The following TLN1 variants were observed in gnomAD, a reference collection of about 807,000 sequenced individuals.
TLN1 encodes the protein talin 1, also known as talin-1.
A neutral mutation model predicts 292.3 loss-of-function variants in TLN1; 56 were observed. That is an observed-to-expected ratio of 0.19 (90% confidence interval 0.15 to 0.24). TLN1 has a LOEUF of 0.24. Among genes scored for constraint, TLN1 ranks in the 10% least tolerant of loss-of-function variants. The pLI is 1.00. For synonymous variants in TLN1, 1,119 were observed against 1,253.7 expected (o/e 0.89, Z 2.27); for missense variants, 2,433 against 3,248.2 (o/e 0.75, Z 6.10).
Position 35,722,925 on chromosome 9 carries a change from C to T in TLN1, c.783-4G>A, listed in dbSNP as rs958937149. 1 of 1,613,698 alleles carries T rather than the reference C, an allele frequency of 6.2e-7. No homozygotes were observed. Among genetic ancestry groups the T allele is most frequent in the African/African-American group, 1.3e-5 (1 of 74,904 alleles). The stretch of plus-strand genomic sequence containing the variant: ...CTTGGGCAGGAAGTCCTTCAGGCTA[C>T]ACCAGAAAAGGGAGGGTCAGCATGT... On this transcript the variant is annotated splice_region_variant and splice_polypyrimidine_tract_variant and intron_variant, in intron 7 of 56. Transcript: ENST00000314888.
rs1825558457 is a variant in TLN1, at chr9:35,705,971, G to A, written c.5502C>T (p.Ala1834=). 14 of 1,614,068 alleles carry A rather than the reference G, an allele frequency of 8.7e-6. No individual in the cohort carries two copies. Among genetic ancestry groups the A allele is most frequent in the Admixed American group, 1.7e-5 (1 of 60,014 alleles). The change falls in exon 41 of 57, where the codon GCC becomes GCT. Residue 1834 remains alanine (A), a synonymous_variant. Coordinates refer to ENST00000314888, the MANE Select transcript of TLN1 (RefSeq NM_006289.4). Reference sequence around the variant, plus strand: ...ACCCCAAGACTCTAACCTGGTTGATGGCCTGGGTGATGGAGTCCACCATGC... The same window carrying A: ...ACCCCAAGACTCTAACCTGGTTGATAGCCTGGGTGATGGAGTCCACCATGC... ...VGGMVDSITQ[A]INQLDEGPMG...
intron 33 of TLN1, among the ~76,000 whole-genome samples, chr9:35,709,886 CAAAAAAAAA>C (rs546437173): frequency 4.7e-4 from 6 of 12,848 alleles, no homozygotes; most frequent in Non-Finnish European, 9.1e-4. Flanking sequence ...AACTCGGTCT[CAAAAAAAAA>C]AAAAAAAAAA....
intron 1 of TLN1, among the ~76,000 whole-genome samples, chr9:35,730,551 T>C (rs1416249093): frequency 6.6e-6 from 1 of 152,020 alleles, no homozygotes; most frequent in Admixed American, 6.5e-5. Context: ...TGTAGGTACA[T>C]GACTGGGTGA....
Position 35,698,742 on chromosome 9 carries a change from A to G in TLN1, c.7126-63T>C, listed in dbSNP as rs1020474229. On this transcript the variant is annotated intron_variant, in intron 53 of 56. Transcript: ENST00000314888. This position sits in a 1 kb window ranked among gnomAD's most constrained non-coding sequence, Gnocchi z 5.3. Reference sequence around the variant, plus strand: ...TCCTCACTTCAAAGACTCGCTGGCTATGGATGTGGATGTGGACATCAAAGT... The same window carrying G: ...TCCTCACTTCAAAGACTCGCTGGCTGTGGATGTGGATGTGGACATCAAAGT... 3 of 1,613,854 alleles carry G rather than the reference A, an allele frequency of 1.9e-6. No homozygotes were observed. The Admixed American group carries it at 5.0e-5, about 27-fold the overall frequency.
Position 35,711,068 on chromosome 9 carries a change from C to T in TLN1, c.4034G>A (p.Ser1345Asn), listed in dbSNP as rs1258790517. The T allele has an allele frequency of 4.3e-6, 7 of 1,614,230 alleles. No individual in the cohort carries two copies. Among genetic ancestry groups the T allele is most frequent in the South Asian group, 1.1e-5 (1 of 91,078 alleles). Residue 1345 changes from serine to asparagine, a missense_variant, in exon 31 of 57, where the codon AGC (serine) becomes AAC (asparagine). Ser to Asn is a conservative substitution (Grantham distance 46). Coordinates refer to ENST00000314888, the MANE Select transcript of TLN1 (RefSeq NM_006289.4). ...LAAAARAVTD[S>N]INQLITMCTQ... ...GCACATAGTGATGAGCTGATTGATG[C>T]TGTCAGTTACTGCCCTGGGAGTGAC... is the stretch of plus-strand genomic sequence containing the variant.
chr9:35,696,983 T>G lies in TLN1; in HGVS notation c.*808A>C, dbSNP rs1825378852. The G allele has an allele frequency of 6.6e-6, 1 of 152,196 alleles. No individual in the cohort carries two copies. Among genetic ancestry groups the G allele is most frequent in the Non-Finnish European group, 1.5e-5 (1 of 68,036 alleles). 9.4% of individuals were successfully genotyped at this position (152,196 alleles called of 1,614,324 possible). On this transcript the variant is annotated 3_prime_UTR_variant, in exon 57 of 57. Transcript: ENST00000314888. ...CAAAGCTTCTTTTGAAAATTTGAAT[T>G]TGGTCAAGGACTGGATTTGTTGACA...
intron 1 of TLN1, among the ~76,000 whole-genome samples, chr9:35,728,948 T>G (rs1421960537): frequency 6.6e-6 from 1 of 152,182 alleles, no homozygotes; most frequent in Non-Finnish European, 1.5e-5. Context: ...AAAAGGTGTG[T>G]GCTCAGAGAG....
chr9:35,725,801 A>G (rs1825965815), intron 1 of TLN1, 74 bp from the exon 2 acceptor site: 2 of 1,404,898 alleles, frequency 1.4e-6, no homozygotes, highest in Non-Finnish European at 1.9e-6. Flanking sequence ...GTGGAGTCCA[A>G]GGGAAGAGTG....
intron 48 of TLN1, among the ~76,000 whole-genome samples, chr9:35,702,034 C>A (rs554095018): frequency 1.3e-5 from 2 of 152,166 alleles, no homozygotes; most frequent in Non-Finnish European, 2.9e-5. Context: ...GCAGGGAGAC[C>A]AGGGAGAAAA....
chr9:35,727,746 T>A (rs768126657), intron 1 of TLN1, among the ~76,000 whole-genome samples: 5 of 152,192 alleles, frequency 3.3e-5, no homozygotes, highest in Non-Finnish European at 7.3e-5. Context: ...CCCTTCACAC[T>A]AAGCTGAAAC....
chr9:35,700,474 A>T, intron 48 of TLN1, 98 bp from the exon 49 acceptor site: 1 of 1,222,834 alleles, frequency 8.2e-7, no homozygotes, highest in Non-Finnish European at 1.1e-6. Flanking sequence ...ACATTCACAC[A>T]TCACAGTGAA....
At position 35,698,293 on chromosome 9, in the gene TLN1, AG is replaced by A; in HGVS notation, c.7371+29del. On this transcript the variant is annotated intron_variant, in intron 55 of 56. Coordinates refer to ENST00000314888, the MANE Select transcript of TLN1 (RefSeq NM_006289.4). The surrounding 1 kb of genome is among the most constrained non-coding windows in gnomAD (Gnocchi z 5.3). ...TGACAGTTTGAAGCAGTATAGCCCA[AG>A]GGACAATGGGATGGGTCAGGGTTCT... 1 of 1,612,616 alleles carries A rather than the reference AG, an allele frequency of 6.2e-7. No individual in the cohort carries two copies. The highest frequency in any genetic ancestry group is 8.5e-7 in the Non-Finnish European group (1 of 1,178,876).
In TLN1 at chr9:35,720,036, T is replaced by C. The variant is rs757514273; in HGVS notation, c.1464+3A>G. 7.2e-5 allele frequency: 114 copies of C among 1,583,396 alleles called. 1 individual carries two copies. The highest frequency in any genetic ancestry group is 4.4e-4 in the Admixed American group (25 of 56,608). ...GGCACCGTGGTGGAAGTGGGACACTTACCAGAGGAGGCATGTGTCCTCGGT... is the reference window on the plus strand; with the variant it reads ...GGCACCGTGGTGGAAGTGGGACACTCACCAGAGGAGGCATGTGTCCTCGGT... On this transcript the variant is annotated splice_donor_region_variant and intron_variant, in intron 13 of 56. Coordinates refer to ENST00000314888, the MANE Select transcript of TLN1 (RefSeq NM_006289.4).
At chr9:35,702,053 A>G (rs1229875603) in intron 48 of TLN1, among the ~76,000 whole-genome samples, 1 of 152,254 alleles carries the variant, frequency 6.6e-6, no homozygotes, top group African/African-American at 2.4e-5. Flanking sequence ...AACTGGTGCC[A>G]CAGCCAAATT....
At chr9:35,711,117 T>C (rs1825660477) in intron 30 of TLN1, 35 bp from the exon 31 acceptor site, 5 of 1,612,348 alleles carry the variant, frequency 3.1e-6, no homozygotes, top group Admixed American at 1.7e-5. Flanking sequence ...AAAAGGTGAA[T>C]AGGTCATCAT....
chr9:35,700,498 T>C (rs897942647), intron 48 of TLN1, 122 bp from the exon 49 acceptor site: 2 of 1,046,830 alleles, frequency 1.9e-6, no homozygotes, highest in South Asian at 2.2e-5. Context: ...AACAAGGCAG[T>C]TGGTTATTGT....
Position 35,706,673 on chromosome 9 carries a change from T to C in TLN1, c.5088+95A>G. ...CTCCTTCGCACATCCCAGCCTTTGATGTCCCTAAGAAGCCACTCCTTGATC... is the reference window on the plus strand; with the variant it reads ...CTCCTTCGCACATCCCAGCCTTTGACGTCCCTAAGAAGCCACTCCTTGATC... On this transcript the variant is annotated intron_variant, in intron 38 of 56. Coordinates refer to ENST00000314888, the MANE Select transcript of TLN1 (RefSeq NM_006289.4). The surrounding 1 kb of genome is among the most constrained non-coding windows in gnomAD (Gnocchi z 4.2). The C allele has an allele frequency of 6.3e-7, 1 of 1,583,932 alleles. No individual in the cohort carries two copies. The highest frequency in any genetic ancestry group is 8.6e-7 in the Non-Finnish European group (1 of 1,163,538).
chr9:35,718,957 A>G, intron 16 of TLN1, 47 bp from the exon 17 acceptor site: 2 of 1,603,410 alleles, frequency 1.2e-6, no homozygotes, highest in Non-Finnish European at 1.7e-6. Flanking sequence ...CCCTGCCCAC[A>G]TGCCTGTGCA....
At chr9:35,702,792 C>T (rs1190525525) in intron 48 of TLN1, among the ~76,000 whole-genome samples, 1 of 151,892 alleles carries the variant, frequency 6.6e-6, no homozygotes, top group Non-Finnish European at 1.5e-5. Flanking sequence ...AAAGTGCTGG[C>T]GTGAGCCACC....
Sources: gnomAD v4.1 joint callset for allele counts (sites outside exome capture counted in the v4.1 genomes callset) on GRCh38, gnomAD v4.1.1 for gene constraint, Gnocchi (gnomAD v3.1) non-coding constraint, MANE v1.5 for transcripts, NCBI Gene and HGNC (gene_info 2026-07-23, HGNC 2026-07-21) for gene names.